ADAMTS17: variants seen among roughly 807,000 people sequenced by gnomAD.
ADAMTS17 encodes the protein A disintegrin and metalloproteinase with thrombospondin motifs 17.
ADAMTS17 carries 113 observed loss-of-function variants against 141.5 expected under a neutral mutation model. The ratio of observed to expected loss-of-function variants is 0.80; its 90% CI spans 0.69 to 0.93. The LOEUF (loss-of-function observed/expected upper bound fraction) is 0.93, where lower values mean the gene tolerates loss of function less well. Ranked by LOEUF, ADAMTS17 falls within the 40% of genes least tolerant of loss-of-function variation. The pLI is 0.00. For synonymous variants in ADAMTS17, 768 were observed against 630.6 expected, an observed-to-expected ratio of 1.22 and a Z score of -3.27; for missense variants, 1,659 against 1,517.9, an observed-to-expected ratio of 1.09 and a Z score of -1.54.
intron 13 of ADAMTS17, among the ~76,000 whole-genome samples, chr15:100,116,270 G>C (rs898475764): frequency 6.6e-6 from 1 of 151,858 alleles, no homozygotes; most frequent in African/African-American, 2.4e-5. Context: ...TCAGCTACTG[G>C]AAATGCTTGC....
At chr15:100,070,383 C>T (rs2033879384) in intron 15 of ADAMTS17, among the ~76,000 whole-genome samples, 1 of 150,138 alleles carries the variant, frequency 6.7e-6, no homozygotes, top group South Asian at 2.1e-4. Flanking sequence ...AGCTCTGCAC[C>T]AAGTGGACCT....
intron 8 of ADAMTS17, among the ~76,000 whole-genome samples, chr15:100,192,467 C>T (rs1166884059): frequency 6.6e-6 from 1 of 152,218 alleles, no homozygotes; most frequent in East Asian, 1.9e-4. Context: ...CAAAAGAATG[C>T]TCCCTCTCCC....
intron 4 of ADAMTS17, among the ~76,000 whole-genome samples, chr15:100,277,974 C>T (rs1308224136): frequency 6.6e-6 from 1 of 152,220 alleles, no homozygotes; most frequent in African/African-American, 2.4e-5. Context: ...GGAAAGCCAT[C>T]CTGACACATG....
intron 13 of ADAMTS17, among the ~76,000 whole-genome samples, chr15:100,111,311 G>T (rs1361060639): frequency 2.0e-5 from 3 of 152,248 alleles, no homozygotes; most frequent in African/African-American, 7.2e-5. Context: ...CTGTCGGAGG[G>T]CTGGGTGCAG....
intron 14 of ADAMTS17, among the ~76,000 whole-genome samples, chr15:100,101,003 A>G (rs1257540950): frequency 6.6e-6 from 1 of 151,908 alleles, no homozygotes; most frequent in East Asian, 1.9e-4. Context: ...CCTGGGATCT[A>G]CTTGAGTCAG....
intron 14 of ADAMTS17, among the ~76,000 whole-genome samples, chr15:100,100,120 T>A (rs2036006510): frequency 6.6e-6 from 1 of 152,180 alleles, no homozygotes; most frequent in Non-Finnish European, 1.5e-5. Context: ...GTGCCTAACC[T>A]GGAAATAAAG....
intron 14 of ADAMTS17, among the ~76,000 whole-genome samples, chr15:100,101,093 C>T (rs979210299): frequency 4.6e-5 from 7 of 152,198 alleles, no homozygotes; most frequent in Non-Finnish European, 7.3e-5. Flanking sequence ...CCTCCGCCCT[C>T]GTCTGTTGCT....
At chr15:100,165,725 T>C (rs2039923191) in intron 8 of ADAMTS17, among the ~76,000 whole-genome samples, 1 of 152,208 alleles carries the variant, frequency 6.6e-6, no homozygotes, top group Non-Finnish European at 1.5e-5. Context: ...ATGTTTAGAA[T>C]GATGCCATAA....
At chr15:100,121,202 G>A (rs1341078774) in intron 12 of ADAMTS17, among the ~76,000 whole-genome samples, 1 of 152,218 alleles carries the variant, frequency 6.6e-6, no homozygotes, top group Non-Finnish European at 1.5e-5. Flanking sequence ...AGTAAGCAGA[G>A]ATATCTGTGG....
At chr15:100,286,234 G>A (rs2044443554) in intron 3 of ADAMTS17, among the ~76,000 whole-genome samples, 1 of 152,164 alleles carries the variant, frequency 6.6e-6, no homozygotes, top group Non-Finnish European at 1.5e-5. Flanking sequence ...AAACGTGAAT[G>A]TGCATGTGCA....
At chr15:100,237,902 G>A (rs183724026) in intron 7 of ADAMTS17, among the ~76,000 whole-genome samples, 19 of 152,336 alleles carry the variant, frequency 1.2e-4, no homozygotes, top group Admixed American at 8.5e-4. Context: ...GGGATTACAG[G>A]TGTGAGCCCA....
At chr15:99,991,224 G>A (rs919835632) in intron 20 of ADAMTS17, among the ~76,000 whole-genome samples, 2 of 152,208 alleles carry the variant, frequency 1.3e-5, no homozygotes, top group African/African-American at 4.8e-5. Context: ...TAGCATCAGA[G>A]TGAACAGGCA....
chr15:100,141,054 A>G (rs772347052), intron 10 of ADAMTS17, among the ~76,000 whole-genome samples: 1 of 152,188 alleles, frequency 6.6e-6, no homozygotes, highest in Non-Finnish European at 1.5e-5. Context: ...GTTGCGGTGG[A>G]AAGTCACAGT....
chr15:100,244,457 T>A (rs2042925905), intron 7 of ADAMTS17, among the ~76,000 whole-genome samples: 1 of 151,606 alleles, frequency 6.6e-6, no homozygotes, highest in Non-Finnish European at 1.5e-5. Context: ...GCTCCAATAA[T>A]TATCACGTGT....
intron 18 of ADAMTS17, among the ~76,000 whole-genome samples, chr15:100,002,857 G>A (rs974511508): frequency 6.6e-6 from 1 of 151,766 alleles, no homozygotes; most frequent in African/African-American, 2.4e-5. Context: ...GCCCTTTCCC[G>A]CGGAGTTCTT....
chr15:100,339,570 T>C (rs1196734754), intron 2 of ADAMTS17, among the ~76,000 whole-genome samples: 1 of 117,794 alleles, frequency 8.5e-6, no homozygotes, highest in Non-Finnish European at 1.8e-5. Context: ...ACAACCCACA[T>C]TCCCCGCCCC....
rs1306044805 is a variant in ADAMTS17 at position 100,169,570 on chromosome 15, G to A, written c.1182-14250C>T. On this transcript the variant is annotated intron_variant, in intron 8 of 21. Coordinates refer to ENST00000268070, the MANE Select transcript of ADAMTS17 (RefSeq NM_139057.4). ...TGAGGTAACTGGCCAAGCACAGCTTGAGCCCGGGCAGCCCATGCATTGAAC... is the reference window on the plus strand; with the variant it reads ...TGAGGTAACTGGCCAAGCACAGCTTAAGCCCGGGCAGCCCATGCATTGAAC... Among the ~76,000 whole-genome samples, 3 of 152,228 alleles carry A rather than the reference G, an allele frequency of 2.0e-5. No individual in the cohort carries two copies. The East Asian group carries it at 5.8e-4, about 29-fold the overall frequency.
chr15:100,033,070 T>C (rs2030341911), intron 18 of ADAMTS17, among the ~76,000 whole-genome samples: 1 of 152,228 alleles, frequency 6.6e-6, no homozygotes, highest in Non-Finnish European at 1.5e-5. Flanking sequence ...AATGGTTCTC[T>C]GGAATTTATG....
At chr15:100,250,832 G>A (rs182787332) in intron 7 of ADAMTS17, among the ~76,000 whole-genome samples, 2 of 152,184 alleles carry the variant, frequency 1.3e-5, no homozygotes, top group African/African-American at 4.8e-5. Flanking sequence ...TGGGTGATAG[G>A]TACAACAGAC....
Sources: allele counts gnomAD v4.1 joint callset (sites outside exome capture counted in the v4.1 genomes callset), GRCh38; gene constraint gnomAD v4.1.1; transcripts MANE v1.5; gene names NCBI Gene and HGNC (gene_info 2026-07-23, HGNC 2026-07-21).